The following CC2D2A variants were observed in gnomAD, a reference collection of about 807,000 sequenced individuals.
CC2D2A encodes the protein coiled-coil and C2 domain-containing protein 2A.
Under a neutral mutation model 212.9 loss-of-function variants are expected in CC2D2A, and 155 were observed. The ratio of observed to expected loss-of-function variants is 0.73; its 90% CI spans 0.64 to 0.83. CC2D2A has a LOEUF of 0.83. CC2D2A is among the 40% of genes least tolerant of loss of function. CC2D2A has a pLI of 0.00. For synonymous variants in CC2D2A, 667 were observed against 686.5 expected, an observed-to-expected ratio of 0.97 and a Z score of 0.44; for missense variants, 1,856 against 1,956.2, an observed-to-expected ratio of 0.95 and a Z score of 0.97.
chr4:15,550,767 A>T, intron 17 of CC2D2A, 57 bp from the exon 18 acceptor site: 3 of 1,297,312 alleles, frequency 2.3e-6, no homozygotes, highest in Non-Finnish European at 3.2e-6. Flanking sequence ...TGATTATCTG[A>T]GCGTGAGCAC....
Position 15,555,086 on chromosome 4 carries a change from C to A in CC2D2A, c.2501C>A (p.Ala834Glu), listed in dbSNP as rs1560180119. The A allele has an allele frequency of 6.2e-7, 1 of 1,612,084 alleles. No individual in the cohort carries two copies. Among genetic ancestry groups the A allele is most frequent in the South Asian group, 1.1e-5 (1 of 90,660 alleles). Reference sequence around the variant, plus strand: ...CTTCTTTTCAGTGCTTTGAAGAAAGCAGATGCCATCTCATCTATTGGCACA... The same window carrying A: ...CTTCTTTTCAGTGCTTTGAAGAAAGAAGATGCCATCTCATCTATTGGCACA... ...NIGFRSALKK[A>E]DAISSIGTSG... The change falls in exon 20 of 37, where the codon GCA becomes GAA. Residue 834 changes from alanine to glutamate, a missense_variant. By Grantham distance (107) the Ala-to-Glu change is moderately radical. Around this residue, in one of 5 missense-constraint regions of CC2D2A, gnomAD observed 1,512 missense variants for 1,579.3 expected, o/e 0.96. Transcript: ENST00000424120.
At chr4:15,590,043 A>T (rs1216767366) in intron 33 of CC2D2A, among the ~76,000 whole-genome samples, 1 of 152,168 alleles carries the variant, frequency 6.6e-6, no homozygotes, top group African/African-American at 2.4e-5. Flanking sequence ...TTAAGAACTG[A>T]GGCAAATTTG....
intron 14 of CC2D2A, among the ~76,000 whole-genome samples, chr4:15,536,555 A>G (rs1391370639): frequency 6.6e-6 from 1 of 152,178 alleles, no homozygotes; most frequent in Non-Finnish European, 1.5e-5. Context: ...AAGTCATAAA[A>G]TAACTAATGA....
At chr4:15,492,900 C>A in intron 4 of CC2D2A, 1 of 552,672 alleles carries the variant, frequency 1.8e-6, no homozygotes, top group Non-Finnish European at 3.5e-6. Flanking sequence ...CCTGGGTGCT[C>A]AGTGTAGCCC....
intron 1 of CC2D2A, chr4:15,473,273 G>C (rs892311480): frequency 2.6e-5 from 4 of 152,220 alleles, no homozygotes; most frequent in African/African-American, 9.7e-5. Context: ...TGTATGTTGA[G>C]TGGTAATAAG....
intron 6 of CC2D2A, among the ~76,000 whole-genome samples, chr4:15,504,415 G>A (rs1716140161): frequency 6.6e-6 from 1 of 152,058 alleles, no homozygotes; most frequent in South Asian, 2.1e-4. Flanking sequence ...AATCCCATCA[G>A]CTTGCCAAAA....
At chr4:15,489,725 G>A (rs954430195) in intron 4 of CC2D2A, among the ~76,000 whole-genome samples, 3 of 152,094 alleles carry the variant, frequency 2.0e-5, no homozygotes, top group Non-Finnish European at 2.9e-5. Context: ...TCCTTGCCAA[G>A]GTGACCAATG....
At chr4:15,482,935 T>C (rs1714781380) in intron 4 of CC2D2A, among the ~76,000 whole-genome samples, 1 of 152,154 alleles carries the variant, frequency 6.6e-6, no homozygotes, top group African/African-American at 2.4e-5. Flanking sequence ...AGGTATGGAA[T>C]GAACAGAAGG....
At chr4:15,592,464 A>C (rs950119466) in intron 33 of CC2D2A, among the ~76,000 whole-genome samples, 2 of 152,250 alleles carry the variant, frequency 1.3e-5, no homozygotes, top group Non-Finnish European at 2.9e-5. Flanking sequence ...ATGAATAAAT[A>C]AATCCAATGG....
chr4:15,563,544 C>G lies in CC2D2A; in HGVS notation c.3182+22C>G, dbSNP rs769071221. The G allele has an allele frequency of 2.5e-6, 4 of 1,607,192 alleles. No homozygotes were observed. In the Admixed American group the frequency reaches 5.1e-5, roughly 20 times the overall value. On this transcript the variant is annotated intron_variant, in intron 24 of 36. Coordinates refer to ENST00000424120, the MANE Select transcript of CC2D2A (RefSeq NM_001378615.1). ...TGAGGTGAGAGCCCTCCCAACAGCC[C>G]GAGATGCAGTGTGCAGCATCCCAGC... is the stretch of plus-strand genomic sequence containing the variant.
rs1721490248 is a variant in CC2D2A at position 15,599,656 on chromosome 4, G to A, written c.4624G>A (p.Val1542Ile). ...PLLEKSQGED[V>I]EDDHRAELLK... ...GTTAGAAAAAAGTCAAGGAGAAGAT[G>A]TAGAAGATGACCACAGAGCAGAACT... Residue 1542 changes from valine (V) to isoleucine (I), a missense_variant, in exon 36 of 37, where the codon GTA (valine) becomes ATA (isoleucine). Val to Ile is a conservative substitution (Grantham distance 29). This residue lies in a region of CC2D2A where 285 missense variants were observed against 278.4 expected (regional missense o/e 1.02). Transcript: ENST00000424120. 2 of 1,613,652 alleles carry A rather than the reference G, an allele frequency of 1.2e-6. No homozygotes were observed. Among genetic ancestry groups the A allele is most frequent in the Non-Finnish European group, 1.7e-6 (2 of 1,179,616 alleles).
At chr4:15,527,395 A>G (rs1717563778) in intron 11 of CC2D2A, 52 bp from the exon 12 acceptor site, 33 of 1,326,944 alleles carry the variant, frequency 2.5e-5, no homozygotes, top group Non-Finnish European at 3.4e-5. Context: ...GAGAATCATT[A>G]TCTAGTAAGT....
chr4:15,567,660 T>G lies in CC2D2A; in HGVS notation c.3289-17T>G. On this transcript the variant is annotated splice_polypyrimidine_tract_variant and intron_variant, in intron 25 of 36. Transcript: ENST00000424120. ...TGACTAACCATTGGGAACTCAGAAT[T>G]TGCTCTTGATTTTAAGGTTTTAGTA... 6.4e-7 allele frequency: 1 copy of G among 1,560,200 alleles called. No homozygotes were observed. Among genetic ancestry groups the G allele is most frequent in the South Asian group, 1.2e-5 (1 of 83,742 alleles).
chr4:15,547,060 T>C (rs1718749985), intron 17 of CC2D2A, among the ~76,000 whole-genome samples: 1 of 152,170 alleles, frequency 6.6e-6, no homozygotes, highest in Non-Finnish European at 1.5e-5. Context: ...ATGACAGGTA[T>C]AGAAATGTCT....
chr4:15,547,939 T>C (rs1718794739), intron 17 of CC2D2A, among the ~76,000 whole-genome samples: 1 of 152,036 alleles, frequency 6.6e-6, no homozygotes, highest in Non-Finnish European at 1.5e-5. Context: ...CTCAGGAGGC[T>C]GAGGCAGGAG....
intron 15 of CC2D2A, 96 bp from the exon 16 acceptor site, chr4:15,537,802 TG>T: frequency 1.6e-6 from 2 of 1,278,762 alleles, no homozygotes; most frequent in Non-Finnish European, 2.2e-6. Flanking sequence ...GAAATGGGGC[TG>T]GGGTTTGTAT....
chr4:15,594,954 C>T (rs1577402864), intron 33 of CC2D2A, among the ~76,000 whole-genome samples: 1 of 151,966 alleles, frequency 6.6e-6, no homozygotes, highest in South Asian at 2.1e-4. Context: ...GAACACACCA[C>T]CACGCCTGGC....
rs769071221 is a variant in CC2D2A at position 15,563,544 on chromosome 4, C to T, written c.3182+22C>T. 9 of 1,607,310 alleles carry T rather than the reference C, an allele frequency of 5.6e-6. No individual in the cohort carries two copies. The Admixed American group carries it at 6.7e-5, about 12-fold the overall frequency. On this transcript the variant is annotated intron_variant, in intron 24 of 36. Coordinates refer to ENST00000424120, the MANE Select transcript of CC2D2A (RefSeq NM_001378615.1). ...TGAGGTGAGAGCCCTCCCAACAGCC[C>T]GAGATGCAGTGTGCAGCATCCCAGC...
At chr4:15,475,788 G>C in intron 1 of CC2D2A, 127 bp from the exon 2 acceptor site, 1 of 736,040 alleles carries the variant, frequency 1.4e-6, no homozygotes, top group Non-Finnish European at 2.4e-6. Context: ...GGTTCCTGGT[G>C]AGTGGAAAGT....
Sources: gnomAD v4.1 joint callset for allele counts (sites outside exome capture counted in the v4.1 genomes callset) on GRCh38, gnomAD v4.1.1 for gene constraint, gnomAD v4.1.1 regional missense constraint, MANE v1.5 for transcripts, NCBI Gene and HGNC (gene_info 2026-07-23, HGNC 2026-07-21) for gene names.